PTPRE: variants seen among roughly 807,000 people sequenced by gnomAD.
PTPRE encodes receptor-type tyrosine-protein phosphatase epsilon.
A neutral mutation model predicts 102.0 loss-of-function variants in PTPRE; 51 were observed. The ratio of observed to expected loss-of-function variants is 0.50; its 90% confidence interval spans 0.40 to 0.63. PTPRE has a LOEUF of 0.63. Ranked by LOEUF, PTPRE falls within the 30% of genes least tolerant of loss-of-function variation. The pLI, the probability that PTPRE is intolerant of heterozygous loss-of-function variation, is 0.00. For missense variants in PTPRE, 752 were observed against 915.1 expected (o/e 0.82, Z 2.30); for synonymous variants, 345 against 348.2 (o/e 0.99, Z 0.10).
chr10:128,077,902 C>G, intron 19 of PTPRE, 119 bp downstream of exon 19: 1 of 1,153,610 alleles, frequency 8.7e-7, no homozygotes, highest in Non-Finnish European at 1.2e-6. Context: ...TCCCTAGAGT[C>G]TCCTCTCTAC....
intron 1 of PTPRE, among the ~76,000 whole-genome samples, chr10:127,974,609 A>T (rs570135440): frequency 6.6e-6 from 1 of 152,270 alleles, no homozygotes; most frequent in African/African-American, 2.4e-5. Flanking sequence ...GGTTCTGTCC[A>T]TGTATTTTTT....
At chr10:127,953,318 G>A (rs1849172357) in intron 1 of PTPRE, among the ~76,000 whole-genome samples, 1 of 152,212 alleles carries the variant, frequency 6.6e-6, no homozygotes, top group Non-Finnish European at 1.5e-5. Flanking sequence ...TCACGGTGAA[G>A]GCTCTTAGGA....
intron 1 of PTPRE, among the ~76,000 whole-genome samples, chr10:127,949,155 C>T (rs181823407): frequency 6.6e-6 from 1 of 152,338 alleles, no homozygotes; most frequent in African/African-American, 2.4e-5. Flanking sequence ...GCCTTCAGAC[C>T]TGGACTGAAC....
At chr10:127,970,402 A>G (rs1183246224) in intron 1 of PTPRE, among the ~76,000 whole-genome samples, 3 of 152,084 alleles carry the variant, frequency 2.0e-5, no homozygotes, top group Admixed American at 1.3e-4. Flanking sequence ...CAAGCCTAGA[A>G]TGTCCTCCCA....
At chr10:128,073,205 G>T in intron 16 of PTPRE, 132 bp from the exon 17 acceptor site, 1 of 1,247,004 alleles carries the variant, frequency 8.0e-7, no homozygotes. Flanking sequence ...GTGCCAACTG[G>T]GGTCTGGTGC....
intron 2 of PTPRE, among the ~76,000 whole-genome samples, chr10:127,994,544 A>G (rs1389689355): frequency 6.6e-6 from 1 of 152,226 alleles, no homozygotes; most frequent in Non-Finnish European, 1.5e-5. Context: ...TTTTAGGTGC[A>G]TGAATGAATA....
At chr10:128,003,180 T>C (rs925719393) in intron 2 of PTPRE, among the ~76,000 whole-genome samples, 6 of 152,200 alleles carry the variant, frequency 3.9e-5, no homozygotes, top group Non-Finnish European at 5.9e-5. Flanking sequence ...ATCCTCCTCA[T>C]TGGTGATGAG....
rs1335230284 is a variant in PTPRE at position 128,008,466 on chromosome 10, C to A, written c.-8+26170C>A. 6.6e-6 allele frequency among the ~76,000 whole-genome samples: 1 copy of A among 152,222 alleles called. No homozygotes were observed. The highest frequency in any genetic ancestry group is 1.5e-5 in the Non-Finnish European group (1 of 68,040). ...TTCAGTAGCCAGGGATAATGTCAAA[C>A]AGCCAGTCCCGGGTTTCTAAACCCA... On this transcript the variant is annotated intron_variant, in intron 2 of 20. Transcript: ENST00000254667. This position sits in a 1 kb window ranked among gnomAD's most constrained non-coding sequence, Gnocchi z 4.0.
intron 1 of PTPRE, among the ~76,000 whole-genome samples, chr10:127,961,567 T>C (rs570715512): frequency 7.8e-4 from 118 of 152,226 alleles, no homozygotes; most frequent in Non-Finnish European, 1.3e-3. Flanking sequence ...GGCACAGCCT[T>C]CTTCACTTCT....
At chr10:128,072,317 T>G in intron 16 of PTPRE, 103 bp downstream of exon 16, 1 of 1,095,764 alleles carries the variant, frequency 9.1e-7, no homozygotes. Flanking sequence ...ATTGACATGT[T>G]TCCAGAAACT....
chr10:128,023,257 T>C lies in PTPRE; in HGVS notation c.-7-17618T>C, dbSNP rs569593352. Among the ~76,000 whole-genome samples, 53 of 152,164 alleles carry C rather than the reference T, an allele frequency of 3.5e-4. No homozygotes were observed. The South Asian group carries it at 1.0e-2, about 29-fold the overall frequency. On this transcript the variant is annotated intron_variant, in intron 2 of 20. Coordinates refer to ENST00000254667, the MANE Select transcript of PTPRE (RefSeq NM_006504.6). ...TACATGTATAGGAAAAAGCATAGTA[T>C]ATATACATTATATAGGAAAAAGGAT...
At chr10:127,982,894 C>T (rs1356416568) in intron 2 of PTPRE, among the ~76,000 whole-genome samples, 1 of 152,226 alleles carries the variant, frequency 6.6e-6, no homozygotes, top group Non-Finnish European at 1.5e-5. Context: ...TTGCAGTCTA[C>T]TTAATCAATT....
chr10:127,919,257 G>A (rs1369913289), intron 1 of PTPRE, among the ~76,000 whole-genome samples: 1 of 152,220 alleles, frequency 6.6e-6, no homozygotes, highest in Admixed American at 6.5e-5. Context: ...TCATAGGTTT[G>A]AATATAACTA....
chr10:128,055,311 G>A (rs148615087), intron 6 of PTPRE, among the ~76,000 whole-genome samples: 379 of 152,308 alleles, frequency 2.5e-3, no homozygotes, highest in African/African-American at 5.5e-3. Context: ...CAGAGATGGC[G>A]GCTGCAGGCG....
intron 1 of PTPRE, among the ~76,000 whole-genome samples, chr10:127,981,679 G>A (rs1009243295): frequency 1.3e-5 from 2 of 151,992 alleles, no homozygotes; most frequent in African/African-American, 2.4e-5. Flanking sequence ...TTAGCAGGGC[G>A]TGGTGGCACA....
chr10:127,950,645 A>C (rs1274230627), intron 1 of PTPRE, among the ~76,000 whole-genome samples: 1 of 152,188 alleles, frequency 6.6e-6, no homozygotes, highest in Admixed American at 6.5e-5. Flanking sequence ...TGCTATGGGG[A>C]TAATTGGATC....
chr10:127,931,922 T>C (rs960149620), intron 1 of PTPRE, among the ~76,000 whole-genome samples: 1 of 152,234 alleles, frequency 6.6e-6, no homozygotes, highest in African/African-American at 2.4e-5. Flanking sequence ...TTTTTAACTA[T>C]TTGGGATATT....
intron 2 of PTPRE, among the ~76,000 whole-genome samples, chr10:128,024,898 A>G (rs1437708711): frequency 6.6e-6 from 1 of 152,202 alleles, no homozygotes; most frequent in African/African-American, 2.4e-5. Context: ...GCTCACACCT[A>G]TATTTCCAGC....
At chr10:128,054,896 C>A (rs71474241) in intron 6 of PTPRE, among the ~76,000 whole-genome samples, 1,763 of 152,248 alleles carry the variant, frequency 0.012, 21 homozygotes, top group Middle Eastern at 0.024. Context: ...CCCTCACATT[C>A]TCCTACATTT....
Sources: gnomAD v4.1 joint callset for allele counts (sites outside exome capture counted in the v4.1 genomes callset) on GRCh38, gnomAD v4.1.1 for gene constraint, Gnocchi (gnomAD v3.1) non-coding constraint, MANE v1.5 for transcripts, NCBI Gene and HGNC (gene_info 2026-07-23, HGNC 2026-07-21) for gene names.